Variants in THEMIS observed in about 807,000 individuals in gnomAD.
The protein encoded by THEMIS is protein THEMIS.
THEMIS carries 37 observed loss-of-function variants against 52.6 expected under a neutral mutation model. The ratio of observed to expected loss-of-function variants is 0.70; its 90% confidence interval spans 0.54 to 0.93. The LOEUF is 0.93. Among genes scored for constraint, THEMIS ranks in the 40% least tolerant of loss-of-function variants. The probability of loss-of-function intolerance (pLI) is 0.00; values close to 1 mark genes in which losing one functional copy is unlikely to be tolerated. For missense variants in THEMIS, 808 were observed against 763.1 expected, an observed-to-expected ratio of 1.06 and a Z score of -0.69; for synonymous variants, 292 against 272.7, an observed-to-expected ratio of 1.07 and a Z score of -0.70.
chr6:127,868,325 G>T, intron 1 of THEMIS: 1 of 389,780 alleles, frequency 2.6e-6, no homozygotes, highest in Non-Finnish European at 3.5e-6. Flanking sequence ...TGATCAAGAT[G>T]CAGGGCAGTG....
At chr6:127,811,460 C>T (rs965532496) in intron 4 of THEMIS, among the ~76,000 whole-genome samples, 1 of 152,156 alleles carries the variant, frequency 6.6e-6, no homozygotes, top group African/African-American at 2.4e-5. Context: ...TTACATGTCC[C>T]TCTAACCCTG....
intron 1 of THEMIS, among the ~76,000 whole-genome samples, chr6:127,895,529 A>AAT (rs143887666): frequency 4.4e-4 from 66 of 151,526 alleles, no homozygotes; most frequent in African/African-American, 9.9e-4. Context: ...TCAATATAGC[A>AAT]ATATATATAT....
intron 4 of THEMIS, among the ~76,000 whole-genome samples, chr6:127,779,419 A>G (rs1453107279): frequency 1.3e-5 from 2 of 152,148 alleles, no homozygotes; most frequent in East Asian, 3.8e-4. Flanking sequence ...TCAAGTCAAT[A>G]TTGGAGAAGA....
chr6:127,876,191 CAG>C (rs1005494481), intron 1 of THEMIS, among the ~76,000 whole-genome samples: 2 of 152,134 alleles, frequency 1.3e-5, no homozygotes, highest in Non-Finnish European at 2.9e-5. Context: ...AAATGTGTTA[CAG>C]AGTGAACCAG....
At chr6:127,760,539 C>A (rs914179394) in intron 4 of THEMIS, among the ~76,000 whole-genome samples, 8 of 152,102 alleles carry the variant, frequency 5.3e-5, no homozygotes, top group Non-Finnish European at 1.2e-4. Flanking sequence ...AATCTCAGCA[C>A]TTTGGGAGGC....
At chr6:127,748,934 C>T (rs1317282469) in intron 4 of THEMIS, among the ~76,000 whole-genome samples, 3 of 152,016 alleles carry the variant, frequency 2.0e-5, no homozygotes, top group Admixed American at 1.3e-4. Flanking sequence ...CATCTTAGTT[C>T]CATTCTGAAC....
At chr6:127,836,347 T>A (rs886244852) in intron 2 of THEMIS, among the ~76,000 whole-genome samples, 1 of 152,176 alleles carries the variant, frequency 6.6e-6, no homozygotes, top group Non-Finnish European at 1.5e-5. Flanking sequence ...GAAGAAATTA[T>A]TCTGGTGTGA....
At chr6:127,778,242 T>C (rs1776629210) in intron 4 of THEMIS, among the ~76,000 whole-genome samples, 1 of 152,116 alleles carries the variant, frequency 6.6e-6, no homozygotes, top group South Asian at 2.1e-4. Context: ...AAAAGAAAGA[T>C]GCCTTCTGAC....
At chr6:127,798,362 T>G (rs914335574) in intron 4 of THEMIS, among the ~76,000 whole-genome samples, 11 of 152,188 alleles carry the variant, frequency 7.2e-5, no homozygotes, top group African/African-American at 2.2e-4. Context: ...TTTTTTTCTT[T>G]TATTATTATA....
At chr6:127,758,858 A>G (rs1216053509) in intron 4 of THEMIS, among the ~76,000 whole-genome samples, 1 of 152,172 alleles carries the variant, frequency 6.6e-6, no homozygotes, top group Admixed American at 6.5e-5. Context: ...TTATAATAAA[A>G]GTTTACAAGA....
intron 4 of THEMIS, among the ~76,000 whole-genome samples, chr6:127,753,494 T>C (rs950203903): frequency 2.0e-5 from 3 of 151,974 alleles, no homozygotes; most frequent in Non-Finnish European, 4.4e-5. Flanking sequence ...TAAAGCATTA[T>C]TGAAAGACAT....
rs566899845 is a variant in THEMIS at position 127,856,719 on chromosome 6, C to T, written c.92-1531G>A. Among the ~76,000 whole-genome samples the T allele has an allele frequency of 2.2e-4, 33 of 152,126 alleles. No individual in the cohort carries two copies. In the South Asian group the frequency reaches 5.0e-3, roughly 23 times the overall value. On this transcript the variant is annotated intron_variant, in intron 1 of 5. Coordinates refer to ENST00000368248, the MANE Select transcript of THEMIS (RefSeq NM_001010923.3). ...AACCCTCTCCTTGTCTCATACTATT[C>T]CCTTAACTACATATGTGCTCATATT...
intron 2 of THEMIS, 121 bp downstream of exon 2, chr6:127,854,909 T>G: frequency 1.2e-6 from 1 of 803,002 alleles, no homozygotes; most frequent in East Asian, 3.3e-5. Flanking sequence ...AATTCCGGAT[T>G]TTCCCCCCCA....
At chr6:127,843,774 G>C (rs1779126393) in intron 2 of THEMIS, among the ~76,000 whole-genome samples, 1 of 151,846 alleles carries the variant, frequency 6.6e-6, no homozygotes, top group Admixed American at 6.6e-5. Flanking sequence ...ATAGAAGACT[G>C]GTTTCAGTCT....
At chr6:127,834,150 C>T (rs1316396120) in intron 2 of THEMIS, among the ~76,000 whole-genome samples, 2 of 152,072 alleles carry the variant, frequency 1.3e-5, no homozygotes, top group African/African-American at 4.8e-5. Flanking sequence ...AGAAATGATA[C>T]ACAGTAATTT....
chr6:127,916,286 T>C (rs1292189018), intron 1 of THEMIS, among the ~76,000 whole-genome samples: 2 of 151,994 alleles, frequency 1.3e-5, no homozygotes, highest in Non-Finnish European at 2.9e-5. Flanking sequence ...ATATTTATAA[T>C]AAAATACTTT....
intron 1 of THEMIS, among the ~76,000 whole-genome samples, chr6:127,880,352 C>T (rs1293883061): frequency 1.3e-5 from 2 of 151,638 alleles, no homozygotes; most frequent in Non-Finnish European, 2.9e-5. Context: ...TTGAGCAAGC[C>T]AAATAGCTGC....
intron 3 of THEMIS, among the ~76,000 whole-genome samples, chr6:127,818,764 G>C (rs975473348): frequency 6.6e-6 from 1 of 152,006 alleles, no homozygotes. Context: ...TGTAGGGAAA[G>C]ATGGGTGATG....
chr6:127,916,698 C>T (rs571505534), intron 1 of THEMIS, among the ~76,000 whole-genome samples: 2 of 152,314 alleles, frequency 1.3e-5, no homozygotes, highest in East Asian at 3.9e-4. Flanking sequence ...AAATCTCATA[C>T]CTCCATATTC....
Sources: gnomAD v4.1 joint callset for allele counts (sites outside exome capture counted in the v4.1 genomes callset) on GRCh38, gnomAD v4.1.1 for gene constraint, MANE v1.5 for transcripts, NCBI Gene and HGNC (gene_info 2026-07-23, HGNC 2026-07-21) for gene names.